CDKAL1: variants seen among roughly 807,000 people sequenced by gnomAD.
CDKAL1 encodes threonylcarbamoyladenosine tRNA methylthiotransferase.
CDKAL1 carries 32 observed loss-of-function variants against 68.2 expected under a neutral mutation model. The observed-to-expected ratio is 0.47, with a 90% CI of 0.35 to 0.63. CDKAL1 has a LOEUF of 0.63. CDKAL1 is among the 30% of genes least tolerant of loss of function. CDKAL1 has a pLI of 0.00. For synonymous variants in CDKAL1, 234 were observed against 244.3 expected (o/e 0.96, Z 0.39); for missense variants, 606 against 696.7 (o/e 0.87, Z 1.47).
At chr6:20,871,483 A>C (rs1266829944) in intron 9 of CDKAL1, among the ~76,000 whole-genome samples, 2 of 152,136 alleles carry the variant, frequency 1.3e-5, no homozygotes, top group Admixed American at 6.5e-5. Context: ...ATGATTTTTT[A>C]TTTTTATTTT....
intron 4 of CDKAL1, among the ~76,000 whole-genome samples, chr6:20,569,022 G>C (rs980600836): frequency 1.3e-5 from 2 of 152,132 alleles, no homozygotes; most frequent in South Asian, 4.1e-4. Context: ...CTTATAATAA[G>C]CCTCAGTGTT....
chr6:20,902,917 C>T (rs1008641565), intron 9 of CDKAL1, among the ~76,000 whole-genome samples: 17 of 152,234 alleles, frequency 1.1e-4, no homozygotes, highest in African/African-American at 4.1e-4. Flanking sequence ...GATCCTAGAG[C>T]TTTTCCCATA....
chr6:20,777,437 A>T (rs564780388), intron 7 of CDKAL1, among the ~76,000 whole-genome samples: 1 of 152,136 alleles, frequency 6.6e-6, no homozygotes, highest in South Asian at 2.1e-4. Flanking sequence ...ACATGGCAAG[A>T]CCTCATCTCT....
chr6:20,720,673 T>G (rs1233424568), intron 5 of CDKAL1, among the ~76,000 whole-genome samples: 3 of 152,114 alleles, frequency 2.0e-5, no homozygotes, highest in African/African-American at 4.8e-5. Flanking sequence ...CTAATTTTTG[T>G]ATTTTTAGTA....
intron 9 of CDKAL1, among the ~76,000 whole-genome samples, chr6:20,954,692 A>G (rs1287665846): frequency 6.6e-6 from 1 of 152,184 alleles, no homozygotes; most frequent in African/African-American, 2.4e-5. Context: ...GGACTTTTGA[A>G]GCATTATCAT....
intron 9 of CDKAL1, among the ~76,000 whole-genome samples, chr6:20,912,008 C>G (rs537316036): frequency 6.6e-6 from 1 of 152,256 alleles, no homozygotes; most frequent in East Asian, 1.9e-4. Flanking sequence ...GACAACTTTC[C>G]TCTGAGAAGG....
chr6:21,082,591 C>A (rs1041690387), intron 12 of CDKAL1, among the ~76,000 whole-genome samples: 8 of 152,160 alleles, frequency 5.3e-5, no homozygotes, highest in Non-Finnish European at 8.8e-5. Context: ...TTTGACCAAA[C>A]AAGTGTCAGT....
At chr6:20,750,685 C>T (rs1414481916) in intron 6 of CDKAL1, among the ~76,000 whole-genome samples, 1 of 151,878 alleles carries the variant, frequency 6.6e-6, no homozygotes, top group Non-Finnish European at 1.5e-5. Flanking sequence ...TACTATCAGC[C>T]AGGCGTGGTG....
intron 4 of CDKAL1, among the ~76,000 whole-genome samples, chr6:20,639,217 G>A (rs1376424936): frequency 6.6e-6 from 1 of 152,068 alleles, no homozygotes; most frequent in East Asian, 1.9e-4. Flanking sequence ...TTGACCCTTG[G>A]TTTCCTCATC....
At chr6:21,042,436 C>T (rs552741814) in intron 11 of CDKAL1, among the ~76,000 whole-genome samples, 13 of 152,262 alleles carry the variant, frequency 8.5e-5, no homozygotes, top group East Asian at 5.8e-4. Flanking sequence ...ACACCTCTCT[C>T]GTGGCACTGG....
At chr6:21,045,760 G>A (rs954223299) in intron 11 of CDKAL1, among the ~76,000 whole-genome samples, 8 of 152,164 alleles carry the variant, frequency 5.3e-5, no homozygotes, top group African/African-American at 1.9e-4. Context: ...TTTTTAATAT[G>A]AGAGTAGCAA....
At chr6:20,811,137 TG>T (rs1776798005) in intron 8 of CDKAL1, among the ~76,000 whole-genome samples, 1 of 152,212 alleles carries the variant, frequency 6.6e-6, no homozygotes, top group Non-Finnish European at 1.5e-5. Flanking sequence ...TTGACTGCCA[TG>T]GACAAGAGCC....
rs1019303559 is a variant in CDKAL1, at chr6:20,624,172, G to A, written c.287-25121G>A. Among the ~76,000 whole-genome samples, 16 of 151,994 alleles carry A rather than the reference G, an allele frequency of 1.1e-4. 1 individual carries two copies. Among genetic ancestry groups the A allele is most frequent in the African/African-American group, 3.9e-4 (16 of 41,412 alleles). ...TTCAAAATTTATGAGCAGACATTTG[G>A]TGGTTTGGAGTGACTACAAGGATGA... On this transcript the variant is annotated intron_variant, in intron 4 of 15. Transcript: ENST00000274695.
At chr6:20,722,496 G>T in intron 5 of CDKAL1, 1 of 322,114 alleles carries the variant, frequency 3.1e-6, no homozygotes, top group Non-Finnish European at 5.9e-6. Context: ...CCAGAAAATG[G>T]GTTTAGTATG....
intron 5 of CDKAL1, among the ~76,000 whole-genome samples, chr6:20,712,764 C>T (rs1771907987): frequency 6.6e-6 from 1 of 151,996 alleles, no homozygotes; most frequent in South Asian, 2.1e-4. Context: ...CCTGCCTCAG[C>T]CTCTGAAGTA....
intron 12 of CDKAL1, among the ~76,000 whole-genome samples, chr6:21,078,588 T>C (rs1211022466): frequency 6.6e-6 from 1 of 152,134 alleles, no homozygotes; most frequent in Non-Finnish European, 1.5e-5. Flanking sequence ...GCCTCTCCAC[T>C]CCTCGATCTT....
At chr6:20,617,298 A>G (rs776103600) in intron 4 of CDKAL1, among the ~76,000 whole-genome samples, 14 of 152,162 alleles carry the variant, frequency 9.2e-5, no homozygotes, top group Non-Finnish European at 1.8e-4. Flanking sequence ...GGGCCACTTA[A>G]TGAGCAGTCT....
chr6:21,157,070 A>G (rs1776683957), intron 13 of CDKAL1, among the ~76,000 whole-genome samples: 1 of 152,196 alleles, frequency 6.6e-6, no homozygotes, highest in Admixed American at 6.5e-5. Context: ...TAGGGTGGAA[A>G]GAGATACGCT....
chr6:21,223,875 A>G (rs1240586410), intron 15 of CDKAL1, among the ~76,000 whole-genome samples: 1 of 152,168 alleles, frequency 6.6e-6, no homozygotes, highest in Non-Finnish European at 1.5e-5. Flanking sequence ...GCAGAAGGAA[A>G]AGGCCTTAGC....
Sources: gnomAD v4.1 joint callset for allele counts (sites outside exome capture counted in the v4.1 genomes callset) on GRCh38, gnomAD v4.1.1 for gene constraint, MANE v1.5 for transcripts, NCBI Gene and HGNC (gene_info 2026-07-23, HGNC 2026-07-21) for gene names.